Variants in ACTR8 observed in about 807,000 individuals in gnomAD.
The protein encoded by ACTR8 is actin related protein 8, also known as actin-related protein 8.
A neutral mutation model predicts 84.3 loss-of-function variants in ACTR8; 70 were observed. The observed-to-expected ratio is 0.83, with a 90% CI of 0.68 to 1.01. ACTR8 has a LOEUF of 1.01. ACTR8 is among the 50% of genes least tolerant of loss of function. The probability of loss-of-function intolerance (pLI) is 0.00; values close to 1 mark genes in which losing one functional copy is unlikely to be tolerated. For synonymous variants in ACTR8, 268 were observed against 275.2 expected (o/e 0.97, Z 0.26); for missense variants, 672 against 775.4 (o/e 0.87, Z 1.58).
At chr3:53,877,862 A>ACAAATATTTTGC in intron 3 of ACTR8, 111 bp from the exon 4 acceptor site, 1 of 853,822 alleles carries the variant, frequency 1.2e-6, no homozygotes, top group Non-Finnish European at 1.8e-6. Flanking sequence ...AATTTTAATC[A>ACAAATATTTTGC]CAAATATTTG....
chr3:53,876,242 G>T (rs562015246), intron 6 of ACTR8, among the ~76,000 whole-genome samples, 162 bp from the exon 7 acceptor site: 1 of 152,148 alleles, frequency 6.6e-6, no homozygotes, highest in Non-Finnish European at 1.5e-5. Context: ...CAGTAGGCCC[G>T]GCGCGGTGGC....
At chr3:53,865,150 A>G (rs754014298), downstream of ACTR8, 1 of 1,614,182 alleles carries the variant, frequency 6.2e-7, no homozygotes, top group South Asian at 1.1e-5. Flanking sequence ...CTTTAGAGAG[A>G]TTGATACAAA....
chr3:53,860,446 C>T, the ACTR8 span: 1 of 395,248 alleles, frequency 2.5e-6, no homozygotes, highest in Non-Finnish European at 4.5e-6. Flanking sequence ...GATCTTCTGA[C>T]TGTCCCGTTT....
chr3:53,868,815 AG>A lies in ACTR8; in HGVS notation c.1778del (p.Ala593ValfsTer62). 6.2e-7 allele frequency: 1 copy of A among 1,614,216 alleles called. No individual in the cohort carries two copies. Among genetic ancestry groups the A allele is most frequent in the East Asian group, 2.2e-5 (1 of 44,868 alleles). On this transcript the variant is annotated frameshift_variant, in exon 13 of 13. Coordinates refer to ENST00000335754, the MANE Select transcript of ACTR8 (RefSeq NM_022899.5). LOFTEE classifies it high-confidence loss of function. ...LIAWKGGAVL[A>X]CLDTTQELWI... ...ACAGTTCCTGTGTTGTATCCAAACA[AG>A]CCAACACTGCCCCTCCTTTCCATGC...
chr3:53,865,553 A>G (rs3017), downstream of ACTR8: 165,143 of 463,110 alleles, frequency 0.36, 30,347 homozygotes, highest in East Asian at 0.52. Flanking sequence ...ATTGAAAACT[A>G]TAACCATTTT....
rs1293042119 is a variant in ACTR8, at chr3:53,882,080, C to T, written c.22G>A (p.Asp8Asn). MTQAEKG[D>N]TENGKEKGGE... ...CCCTTCTCCTTTCCGTTCTCCGTAT[C>T]ACCCTTCTCAGCCTGGGTCATTATG... Residue 8 changes from aspartate to asparagine, a missense_variant, in exon 1 of 13, where the codon GAT (aspartate) becomes AAT (asparagine). Physicochemically the swap from Asp to Asn is conservative, Grantham distance 23. Transcript: ENST00000335754. 6.4e-7 allele frequency: 1 copy of T among 1,551,648 alleles called. No homozygotes were observed. Among genetic ancestry groups the T allele is most frequent in the Non-Finnish European group, 8.7e-7 (1 of 1,146,872 alleles).
chr3:53,868,853 G>A lies in ACTR8; in HGVS notation c.1741C>T (p.Pro581Ser). 6.2e-7 allele frequency: 1 copy of A among 1,613,894 alleles called. No homozygotes were observed. Among genetic ancestry groups the A allele is most frequent in the African/African-American group, 1.3e-5 (1 of 75,010 alleles). The change falls in exon 13 of 13, where the codon CCC (proline) becomes TCC (serine). Residue 581 changes from proline to serine, a missense_variant. Coordinates refer to ENST00000335754, the MANE Select transcript of ACTR8 (RefSeq NM_022899.5). ...CCTCCTTTCCATGCAATCAGCCGGG[G>A]GTCCATGTCCTACAGAAGGGATGAA... ...DVITRPKDMD[P>S]RLIAWKGGAV...
At chr3:53,875,840 G>C in intron 7 of ACTR8, 108 bp downstream of exon 7, 1 of 1,498,718 alleles carries the variant, frequency 6.7e-7, no homozygotes, top group Non-Finnish European at 9.0e-7. Context: ...GCAGACTTTT[G>C]AATTTATGGT....
intron 3 of ACTR8, 39 bp downstream of exon 3, chr3:53,878,318 A>G: frequency 5.9e-6 from 8 of 1,348,826 alleles, no homozygotes; most frequent in Middle Eastern, 3.6e-4. Flanking sequence ...TGATACCAAT[A>G]GTGGTGATAA....
At chr3:53,878,170 AAATT>A (rs1700004298) in intron 3 of ACTR8, among the ~76,000 whole-genome samples, 183 bp downstream of exon 3, 1 of 152,152 alleles carries the variant, frequency 6.6e-6, no homozygotes, top group Non-Finnish European at 1.5e-5. Context: ...ACCACCTTAT[AAATT>A]ATGTGGCTTG....
At chr3:53,860,386 G>C in the ACTR8 span, 1 of 492,878 alleles carries the variant, frequency 2.0e-6, no homozygotes, top group Non-Finnish European at 3.6e-6. Context: ...AGACTGATAC[G>C]AGCATGACTG....
downstream of ACTR8, among the ~76,000 whole-genome samples, chr3:53,862,285 G>C (rs1183217796): frequency 6.6e-6 from 1 of 152,074 alleles, no homozygotes; most frequent in Non-Finnish European, 1.5e-5. Context: ...GGACCTTCAA[G>C]GCTCATTACA....
At chr3:53,862,950 G>GC (rs769897543), downstream of ACTR8, among the ~76,000 whole-genome samples, 33 of 152,138 alleles carry the variant, frequency 2.2e-4, no homozygotes, top group Non-Finnish European at 4.0e-4. Context: ...TTCTGCCTCT[G>GC]CCACCCCTAA....
Position 53,868,657 on chromosome 3 carries a change from G to T in ACTR8, c.*62C>A, listed in dbSNP as rs754118790. ...CAATAAATTACAATACACATATTCT[G>T]TAAGAGTCTTTTATACCAAGAAGCT... On this transcript the variant is annotated 3_prime_UTR_variant, in exon 13 of 13. Transcript: ENST00000335754. 1.9e-6 allele frequency: 3 copies of T among 1,586,342 alleles called. No individual in the cohort carries two copies. The highest frequency in any genetic ancestry group is 2.7e-5 in the African/African-American group (2 of 73,878).
rs1250980273 is a variant in ACTR8 at position 53,877,299 on chromosome 3, G to C, written c.599C>G (p.Ser200Cys). The change falls in exon 5 of 13, where the codon TCT (serine) becomes TGT (cysteine). Residue 200 changes from serine (S) to cysteine (C), a missense_variant. By Grantham distance (112) the Ser-to-Cys change is moderately radical. Coordinates refer to ENST00000335754, the MANE Select transcript of ACTR8 (RefSeq NM_022899.5). ...AATATCTGCCAGAACAGCTGTAAGA[G>C]AGCCCCCAGGGCCTGGGTGAATATT... ...QLNIHPGPGGSLTAVLADIEV... is the reference protein window; with the variant it reads ...QLNIHPGPGGCLTAVLADIEV... 1 of 1,614,124 alleles carries C rather than the reference G, an allele frequency of 6.2e-7. No homozygotes were observed. Among genetic ancestry groups the C allele is most frequent in the South Asian group, 1.1e-5 (1 of 91,074 alleles).
rs764605795 is a variant in ACTR8, at chr3:53,877,249, G to A, written c.649C>T (p.Gln217Ter). 9 of 1,605,614 alleles carry A rather than the reference G, an allele frequency of 5.6e-6. No individual in the cohort carries two copies. The South Asian group carries it at 9.0e-5, about 16-fold the overall frequency. The change falls in exon 5 of 13, where the codon CAA (glutamine) becomes TAA (stop). Residue 217 changes from glutamine (Q) to a stop codon, truncating the protein, a stop_gained. Coordinates refer to ENST00000335754, the MANE Select transcript of ACTR8 (RefSeq NM_022899.5). LOFTEE classifies it high-confidence loss of function. ...DIEVIWSHAI[Q>*]KYLEIPLKDL... The stretch of plus-strand genomic sequence containing the variant: ...TTCAGTGGGATTTCCAAGTATTTTT[G>A]TATCGCATGAGACCATATTACTTCA...
chr3:53,868,593 C>T lies in ACTR8; in HGVS notation c.*126G>A. The T allele has an allele frequency of 7.1e-7, 1 of 1,399,976 alleles. No individual in the cohort carries two copies. Among genetic ancestry groups the T allele is most frequent in the Non-Finnish European group, 9.6e-7 (1 of 1,045,986 alleles). The allele number at this position is 1,399,976 out of a possible 1,614,324, so 86.7% of individuals were successfully genotyped here. A position where few individuals can be genotyped will look rare whatever the true frequency, so the allele number is the denominator to read the frequency against. On this transcript the variant is annotated 3_prime_UTR_variant, in exon 13 of 13. Transcript: ENST00000335754. ...AATGTCATGTCCTCAACATAAAGTTCAAATTCATTTACTGTCCATGACACT... is the reference window on the plus strand; with the variant it reads ...AATGTCATGTCCTCAACATAAAGTTTAAATTCATTTACTGTCCATGACACT...
intron 8 of ACTR8, among the ~76,000 whole-genome samples, chr3:53,873,750 C>T (rs1164211969): frequency 6.6e-6 from 1 of 152,204 alleles, no homozygotes; most frequent in Non-Finnish European, 1.5e-5. Context: ...AAAACTCTCA[C>T]TCCTTAAGGG....
chr3:53,880,261 C>G (rs1700038949), intron 1 of ACTR8, 152 bp from the exon 2 acceptor site: 1 of 758,040 alleles, frequency 1.3e-6, no homozygotes. Flanking sequence ...AATTACCGCT[C>G]TCTACCTAAA....
Sources: gnomAD v4.1 joint callset for allele counts (sites outside exome capture counted in the v4.1 genomes callset) on GRCh38, gnomAD v4.1.1 for gene constraint, MANE v1.5 for transcripts, NCBI Gene and HGNC (gene_info 2026-07-23, HGNC 2026-07-21) for gene names.